PSMA5: variants seen among roughly 807,000 people sequenced by gnomAD.
The protein encoded by PSMA5 is proteasome 20S subunit alpha 5, also known as proteasome subunit alpha type-5.
A neutral mutation model predicts 34.5 loss-of-function variants in PSMA5; 3 were observed. The observed-to-expected ratio is 0.09, with a 90% CI of 0.04 to 0.22. The LOEUF is 0.22. Ranked by LOEUF, PSMA5 falls within the 10% of genes least tolerant of loss-of-function variation. The pLI is 1.00. For missense variants in PSMA5, 120 were observed against 286.1 expected, an observed-to-expected ratio of 0.42 and a Z score of 4.19; for synonymous variants, 88 against 95.8, an observed-to-expected ratio of 0.92 and a Z score of 0.47.
At chr1:109,420,603 C>A (rs934041767) in intron 2 of PSMA5, among the ~76,000 whole-genome samples, 10 of 152,112 alleles carry the variant, frequency 6.6e-5, no homozygotes, top group Admixed American at 2.0e-4. Context: ...GAAACCATTG[C>A]CAGAAAACTT....
chr1:109,412,201 G>A lies in PSMA5; in HGVS notation c.292-17C>T, dbSNP rs1260130404. ...CCAGTGGTTCTAGAAGAAGAGCAAA[G>A]CATGGTACAACCTTCTAATAAGGAC... On this transcript the variant is annotated splice_polypyrimidine_tract_variant and intron_variant, in intron 4 of 8. Transcript: ENST00000271308. 3 of 1,591,496 alleles carry A rather than the reference G, an allele frequency of 1.9e-6. No homozygotes were observed. The highest frequency in any genetic ancestry group is 3.3e-4 in the Middle Eastern group (2 of 6,018).
intron 8 of PSMA5, among the ~76,000 whole-genome samples, chr1:109,407,804 G>T (rs1197337916): frequency 6.6e-6 from 1 of 151,946 alleles, no homozygotes; most frequent in Admixed American, 6.6e-5. Flanking sequence ...ACCACACCCA[G>T]CTAATTTTTT....
At chr1:109,419,837 G>A (rs1654368870) in intron 2 of PSMA5, among the ~76,000 whole-genome samples, 2 of 150,094 alleles carry the variant, frequency 1.3e-5, no homozygotes, top group Non-Finnish European at 1.5e-5. Flanking sequence ...AGCCGCGCAT[G>A]GTTGTGCATA....
chr1:109,412,225 AC>A lies in PSMA5; in HGVS notation c.292-42del, dbSNP rs1485151145. 2.0e-6 allele frequency: 3 copies of A among 1,503,870 alleles called. No homozygotes were observed. The South Asian group carries it at 3.4e-5, about 17-fold the overall frequency. 93.2% of individuals were successfully genotyped at this position (1,503,870 alleles called of 1,614,324 possible). ...AGCATGGTACAACCTTCTAATAAGG[AC>A]ATTAAAGCAGCCCACCATCTCACTA... On this transcript the variant is annotated intron_variant, in intron 4 of 8. Transcript: ENST00000271308.
At chr1:109,417,213 G>A (rs1011950184) in intron 2 of PSMA5, among the ~76,000 whole-genome samples, 3 of 152,188 alleles carry the variant, frequency 2.0e-5, no homozygotes, top group African/African-American at 7.2e-5. Context: ...TAAGATTAAA[G>A]GACTTCTAAA....
intron 8 of PSMA5, among the ~76,000 whole-genome samples, chr1:109,404,868 A>G (rs1457703467): frequency 6.6e-6 from 1 of 152,206 alleles, no homozygotes; most frequent in Non-Finnish European, 1.5e-5. Flanking sequence ...GTTCAATGTC[A>G]GGTAAGTGTT....
intron 3 of PSMA5, among the ~76,000 whole-genome samples, chr1:109,414,086 C>G (rs559862741): frequency 6.6e-6 from 1 of 152,146 alleles, no homozygotes; most frequent in Non-Finnish European, 1.5e-5. Flanking sequence ...AAAGGAATTC[C>G]GCTCTCTGAC....
intron 1 of PSMA5, among the ~76,000 whole-genome samples, chr1:109,425,037 C>T (rs184818462): frequency 4.2e-4 from 64 of 152,126 alleles, no homozygotes; most frequent in Non-Finnish European, 7.1e-4. Context: ...AAGATCACGT[C>T]ACTGCACTCC....
chr1:109,413,495 C>T (rs1024081788), intron 3 of PSMA5, among the ~76,000 whole-genome samples: 1 of 152,134 alleles, frequency 6.6e-6, no homozygotes, highest in Non-Finnish European at 1.5e-5. Flanking sequence ...ACCTGGGAAA[C>T]AAGGAAAAGA....
intron 1 of PSMA5, 154 bp downstream of exon 1, chr1:109,426,148 G>A: frequency 1.0e-6 from 1 of 976,416 alleles, no homozygotes; most frequent in Non-Finnish European, 1.6e-6. Flanking sequence ...CTTGGGGAAG[G>A]ACGGCGGGCG....
intron 2 of PSMA5, among the ~76,000 whole-genome samples, chr1:109,418,982 C>T (rs1005907130): frequency 1.1e-4 from 17 of 152,056 alleles, no homozygotes; most frequent in Admixed American, 3.3e-4. Flanking sequence ...TGGACAAACC[C>T]CGTCTCTACT....
At position 109,411,053 on chromosome 1, in the gene PSMA5, A is replaced by G. The variant is rs1230931977; in HGVS notation, c.519T>C (p.Ala173=). 4 of 1,613,790 alleles carry G rather than the reference A, an allele frequency of 2.5e-6. No individual in the cohort carries two copies. The highest frequency in any genetic ancestry group is 8.5e-7 in the Non-Finnish European group (1 of 1,179,860). ...VQCDARAIGS[A]SEGAQSSLQE... ...GCAAGGAGCTCTGGGCACCCTCTGA[A>G]GCAGAGCCAATTGCTCGAGCATCAC... is the stretch of plus-strand genomic sequence containing the variant. Residue 173 remains alanine, a synonymous_variant, in exon 7 of 9, where the codon GCT becomes GCC. Coordinates refer to ENST00000271308, the MANE Select transcript of PSMA5 (RefSeq NM_002790.4).
rs1653933857 is a variant in PSMA5 at position 109,410,115 on chromosome 1, T to A, written c.562-101A>T. On this transcript the variant is annotated intron_variant, in intron 7 of 8. Transcript: ENST00000271308. ...CTCACTGAAAAAAGTATTTAGCAAG[T>A]ATGTCAAACATCTTACTTAGTATGG... is the stretch of plus-strand genomic sequence containing the variant. 6 of 751,494 alleles carry A rather than the reference T, an allele frequency of 8.0e-6. No homozygotes were observed. The Middle Eastern group carries it at 1.3e-3, about 162-fold the overall frequency. The allele number at this position is 751,494 out of a possible 1,614,324, so 46.6% of individuals were successfully genotyped here.
At chr1:109,417,548 C>T (rs1654262793) in intron 2 of PSMA5, among the ~76,000 whole-genome samples, 1 of 152,230 alleles carries the variant, frequency 6.6e-6, no homozygotes, top group African/African-American at 2.4e-5. Flanking sequence ...CAGGCTTATT[C>T]TCTGGAGACC....
At position 109,426,393 on chromosome 1, in the gene PSMA5, C is replaced by A; in HGVS notation, c.-63G>T. 2 of 1,596,318 alleles carry A rather than the reference C, an allele frequency of 1.3e-6. No homozygotes were observed. The highest frequency in any genetic ancestry group is 1.7e-6 in the Non-Finnish European group (2 of 1,164,198). On this transcript the variant is annotated 5_prime_UTR_variant, in exon 1 of 9. Transcript: ENST00000271308. Reference sequence around the variant, plus strand: ...CTGAGGACCAACACGACTCCACCGGCACCCAACTCACCGGCAGCCAACTCA... The same window carrying A: ...CTGAGGACCAACACGACTCCACCGGAACCCAACTCACCGGCAGCCAACTCA...
rs1055898802 is a variant in PSMA5 at position 109,401,236 on chromosome 1, C to T, written c.*777G>A. The T allele has an allele frequency of 1.3e-5, 2 of 152,098 alleles. No individual in the cohort carries two copies. The highest frequency in any genetic ancestry group is 4.8e-5 in the African/African-American group (2 of 41,384). The allele number at this position is 152,098 out of a possible 1,614,324, so 9.4% of individuals were successfully genotyped here. A position where few individuals can be genotyped will look rare whatever the true frequency, so the allele number is the denominator to read the frequency against. On this transcript the variant is annotated 3_prime_UTR_variant, in exon 9 of 9. Coordinates refer to ENST00000271308, the MANE Select transcript of PSMA5 (RefSeq NM_002790.4). ...GATTTGTAATTGATTGCCAGTGAGG[C>T]CAAGGTCATTAATTTAATTCTTAGT... is the stretch of plus-strand genomic sequence containing the variant.
At chr1:109,407,239 G>A (rs1462213090) in intron 8 of PSMA5, among the ~76,000 whole-genome samples, 4 of 152,202 alleles carry the variant, frequency 2.6e-5, no homozygotes, top group South Asian at 2.1e-4. Flanking sequence ...CGCCAGCCTC[G>A]GCCTCCCAAA....
intron 1 of PSMA5, among the ~76,000 whole-genome samples, chr1:109,424,687 T>C (rs984820043): frequency 2.7e-5 from 4 of 148,170 alleles, no homozygotes; most frequent in Non-Finnish European, 5.9e-5. Context: ...AGTCAGAGAA[T>C]TGCTTAAACC....
intron 2 of PSMA5, among the ~76,000 whole-genome samples, chr1:109,420,686 T>A (rs1376271403): frequency 6.6e-6 from 1 of 152,084 alleles, no homozygotes; most frequent in East Asian, 1.9e-4. Flanking sequence ...CTGAACAGAG[T>A]AGGACAGAAT....
Sources: allele counts gnomAD v4.1 joint callset (sites outside exome capture counted in the v4.1 genomes callset), GRCh38; gene constraint gnomAD v4.1.1; transcripts MANE v1.5; gene names NCBI Gene and HGNC (gene_info 2026-07-23, HGNC 2026-07-21).